The following CDK17 variants were observed in gnomAD, a reference collection of about 807,000 sequenced individuals.
CDK17 encodes the protein cyclin-dependent kinase 17.
In CDK17, 24 loss-of-function variants were observed where a neutral mutation model predicts 77.6. The observed-to-expected ratio is 0.31, with a 90% CI of 0.22 to 0.44. CDK17 has a LOEUF of 0.44. Among genes scored for constraint, CDK17 ranks in the 20% least tolerant of loss-of-function variants. CDK17 has a pLI of 1.00. For missense variants in CDK17, 429 were observed against 622.5 expected (o/e 0.69, Z 3.31); for synonymous variants, 203 against 210.4 (o/e 0.96, Z 0.30).
At chr12:96,397,710 C>A (rs936028987) in intron 1 of CDK17, among the ~76,000 whole-genome samples, 9 of 151,824 alleles carry the variant, frequency 5.9e-5, no homozygotes, top group Non-Finnish European at 1.2e-4. Flanking sequence ...CATCTAGTAA[C>A]ACTGAAGGTT....
chr12:96,394,838 T>C (rs1224576923), intron 1 of CDK17, among the ~76,000 whole-genome samples: 1 of 149,508 alleles, frequency 6.7e-6, no homozygotes, highest in Non-Finnish European at 1.5e-5. Flanking sequence ...ACAAAAAATA[T>C]TTATTATTTT....
intron 1 of CDK17, among the ~76,000 whole-genome samples, chr12:96,396,751 T>A (rs1954175592): frequency 6.6e-6 from 1 of 152,090 alleles, no homozygotes; most frequent in Non-Finnish European, 1.5e-5. Flanking sequence ...TTATCCATCC[T>A]GAAAGTCTAA....
intron 1 of CDK17, among the ~76,000 whole-genome samples, chr12:96,385,373 T>C (rs369243595): frequency 6.6e-6 from 1 of 152,028 alleles, no homozygotes. Flanking sequence ...GGTTGGCAAA[T>C]GGGGGCATGG....
At chr12:96,291,000 T>G (rs569874771) in intron 10 of CDK17, among the ~76,000 whole-genome samples, 4 of 152,258 alleles carry the variant, frequency 2.6e-5, no homozygotes, top group Middle Eastern at 3.4e-3. Context: ...GTTCCTAGAC[T>G]TCTGATTTTC....
intron 11 of CDK17, among the ~76,000 whole-genome samples, chr12:96,287,790 GGT>G (rs1359223445): frequency 7.2e-5 from 11 of 152,138 alleles, no homozygotes; most frequent in Non-Finnish European, 1.0e-4. Context: ...TGGATAAATG[GGT>G]AACAGAATGT....
chr12:96,280,535 T>C (rs1592700710), intron 16 of CDK17: 1 of 1,412,482 alleles, frequency 7.1e-7, no homozygotes, highest in Middle Eastern at 2.6e-4. Flanking sequence ...GCGTGTGCAG[T>C]GATCAAGCCA....
chr12:96,331,706 G>T (rs1712302779), intron 2 of CDK17, among the ~76,000 whole-genome samples: 1 of 152,116 alleles, frequency 6.6e-6, no homozygotes, highest in African/African-American at 2.4e-5. Flanking sequence ...GTGAGATTAT[G>T]GGTATAAGTA....
intron 7 of CDK17, among the ~76,000 whole-genome samples, chr12:96,298,219 G>A (rs566798842): frequency 3.3e-5 from 5 of 151,808 alleles, no homozygotes; most frequent in South Asian, 2.1e-4. Flanking sequence ...CCCAGGAGGC[G>A]GAGCTTGCAG....
chr12:96,382,773 AACAG>A (rs1322119256), intron 1 of CDK17, among the ~76,000 whole-genome samples: 1 of 152,180 alleles, frequency 6.6e-6, no homozygotes, highest in African/African-American at 2.4e-5. Context: ...TCATCTTCTC[AACAG>A]ACAGAGAAAA....
At chr12:96,288,100 T>TA (rs1318716639) in intron 11 of CDK17, among the ~76,000 whole-genome samples, 1 of 152,118 alleles carries the variant, frequency 6.6e-6, no homozygotes, top group Admixed American at 6.6e-5. Context: ...TGGAGGTAGA[T>TA]AGATAGTGGT....
intron 2 of CDK17, among the ~76,000 whole-genome samples, chr12:96,326,673 G>A (rs867681051): frequency 1.1e-4 from 17 of 152,178 alleles, no homozygotes; most frequent in Non-Finnish European, 2.2e-4. Context: ...AGTAGGTCTG[G>A]TGTGGAATCT....
In CDK17 at chr12:96,278,458, G is replaced by C. The variant is rs900832821; in HGVS notation, c.*1784C>G. On this transcript the variant is annotated 3_prime_UTR_variant, in exon 17 of 17. Transcript: ENST00000261211. Reference sequence around the variant, plus strand: ...AACAATAACACCTCTAGCACAGTGAGACTTCATTATCTTAAGAACGACCCA... The same window carrying C: ...AACAATAACACCTCTAGCACAGTGACACTTCATTATCTTAAGAACGACCCA... 1.3e-5 allele frequency: 2 copies of C among 152,276 alleles called. No individual in the cohort carries two copies. Among genetic ancestry groups the C allele is most frequent in the African/African-American group, 4.8e-5 (2 of 41,428 alleles). The allele number at this position is 152,276 out of a possible 1,614,324, so 9.4% of individuals were successfully genotyped here.
chr12:96,307,806 T>A (rs879418608), intron 5 of CDK17, among the ~76,000 whole-genome samples: 1 of 151,962 alleles, frequency 6.6e-6, no homozygotes, highest in Non-Finnish European at 1.5e-5. Context: ...GAGGCAGAGG[T>A]TGCAACGAGC....
intron 1 of CDK17, among the ~76,000 whole-genome samples, chr12:96,359,574 A>C: frequency 6.6e-6 from 1 of 152,218 alleles, no homozygotes; most frequent in East Asian, 1.9e-4. Context: ...TCACATGGCC[A>C]TGCCTAATTT....
chr12:96,389,636 C>T (rs1954035537), intron 1 of CDK17, among the ~76,000 whole-genome samples: 1 of 152,068 alleles, frequency 6.6e-6, no homozygotes, highest in African/African-American at 2.4e-5. Flanking sequence ...AAGCTCAATA[C>T]AAAAAGTGTT....
At chr12:96,385,523 T>C (rs533131855) in intron 1 of CDK17, among the ~76,000 whole-genome samples, 1 of 152,264 alleles carries the variant, frequency 6.6e-6, no homozygotes, top group South Asian at 2.1e-4. Context: ...AAGTTGAAAT[T>C]ATTTTTAAAA....
intron 7 of CDK17, among the ~76,000 whole-genome samples, chr12:96,298,409 A>G (rs993520916): frequency 6.6e-6 from 1 of 152,124 alleles, no homozygotes; most frequent in Non-Finnish European, 1.5e-5. Flanking sequence ...TATTTTTCCT[A>G]AATGTTAACT....
intron 1 of CDK17, among the ~76,000 whole-genome samples, chr12:96,372,315 G>C (rs1287500716): frequency 6.6e-6 from 1 of 152,064 alleles, no homozygotes; most frequent in Non-Finnish European, 1.5e-5. Context: ...TATATGGCCA[G>C]TTAATTTCAA....
chr12:96,334,737 T>C lies in CDK17; in HGVS notation c.100A>G (p.Asn34Asp). Reference sequence around the variant, plus strand: ...TATTTACCATTATCCTTGCTGCTGTTTTCTTCAATAGTCATTTGTTCAGCC... The same window carrying C: ...TATTTACCATTATCCTTGCTGCTGTCTTCTTCAATAGTCATTTGTTCAGCC... Reference protein sequence around the residue: ...ELAEQMTIEENSSKDNEPIVK... With the variant: ...ELAEQMTIEEDSSKDNEPIVK... The change falls in exon 2 of 17, where the codon AAC (asparagine) becomes GAC (aspartate). Residue 34 changes from asparagine (N) to aspartate (D), a missense_variant. Asn to Asp is a conservative substitution (Grantham distance 23). Coordinates refer to ENST00000261211, the MANE Select transcript of CDK17 (RefSeq NM_002595.5). The C allele has an allele frequency of 6.3e-7, 1 of 1,598,650 alleles. No individual in the cohort carries two copies. The highest frequency in any genetic ancestry group is 8.6e-7 in the Non-Finnish European group (1 of 1,166,370).
Sources: allele counts gnomAD v4.1 joint callset (sites outside exome capture counted in the v4.1 genomes callset), GRCh38; gene constraint gnomAD v4.1.1; transcripts MANE v1.5; gene names NCBI Gene and HGNC (gene_info 2026-07-23, HGNC 2026-07-21).